The following MAST3 variants were observed in gnomAD, a reference collection of about 807,000 sequenced individuals.
MAST3 encodes microtubule-associated serine/threonine-protein kinase 3.
In MAST3, 43 loss-of-function variants were observed where a neutral mutation model predicts 127.0. The ratio of observed to expected loss-of-function variants is 0.34; its 90% confidence interval spans 0.27 to 0.44. MAST3 has a LOEUF of 0.44. MAST3 is among the 20% of genes least tolerant of loss of function. MAST3 has a pLI of 1.00. For missense variants in MAST3, 1,390 were observed against 1,919.1 expected, an observed-to-expected ratio of 0.72 and a Z score of 5.15; for synonymous variants, 785 against 809.2, an observed-to-expected ratio of 0.97 and a Z score of 0.51.
chr19:18,122,614 GT>G lies in MAST3; in HGVS notation c.321-58del, dbSNP rs2040132104. On this transcript the variant is annotated intron_variant, in intron 5 of 27. Transcript: ENST00000687212. ...ATGCTGGCCACAGTGTCTGTTCTTA[GT>G]CCCCACAAACCACAGGGGCCAGGCC... 2.1e-6 allele frequency: 3 copies of G among 1,435,722 alleles called. No individual in the cohort carries two copies. The African/African-American group carries it at 4.2e-5, about 20-fold the overall frequency. 88.9% of individuals were successfully genotyped at this position (1,435,722 alleles called of 1,614,324 possible).
chr19:18,116,186 C>A (rs1001592203), intron 3 of MAST3, among the ~76,000 whole-genome samples: 1 of 150,096 alleles, frequency 6.7e-6, no homozygotes, highest in Admixed American at 6.6e-5. Context: ...CTCCACCTCC[C>A]GGGTACAAGT....
At chr19:18,099,825 C>T (rs570833541) in intron 1 of MAST3, among the ~76,000 whole-genome samples, 4 of 152,330 alleles carry the variant, frequency 2.6e-5, no homozygotes, top group African/African-American at 9.6e-5. Flanking sequence ...TTTCTTAGCA[C>T]TAGAGGCTGA....
Position 18,144,503 on chromosome 19 carries a change from C to T in MAST3, c.2622C>T (p.Ser874=). The T allele has an allele frequency of 6.2e-7, 1 of 1,603,714 alleles. No homozygotes were observed. Among genetic ancestry groups the T allele is most frequent in the Non-Finnish European group, 8.5e-7 (1 of 1,176,740 alleles). ...CTCTCAGCCACGCCCGCCTACGGAG[C>T]AATAGCATCGGCGCCCGACACTCCA... ...TAALSHARLR[S]NSIGARHSTP... is the part of the protein sequence containing the mutation. Residue 874 remains serine, a synonymous_variant, in exon 23 of 28, where the codon AGC becomes AGT. Transcript: ENST00000687212. The surrounding 1 kb of genome is among the most constrained non-coding windows in gnomAD (Gnocchi z 4.0).
chr19:18,108,175 C>T (rs1243167041), intron 2 of MAST3, among the ~76,000 whole-genome samples: 1 of 151,980 alleles, frequency 6.6e-6, no homozygotes, highest in Non-Finnish European at 1.5e-5. Context: ...CGCTTGTAAT[C>T]CCAGGTACTC....
intron 27 of MAST3, among the ~76,000 whole-genome samples, chr19:18,147,884 G>A (rs192166954): frequency 1.7e-3 from 253 of 152,290 alleles, no homozygotes; most frequent in African/African-American, 3.6e-3. Flanking sequence ...GGCCAGGCAC[G>A]GAGGCTCACG....
At chr19:18,139,210 T>G (rs2042190400) in intron 20 of MAST3, 86 bp downstream of exon 20, 2 of 1,108,898 alleles carry the variant, frequency 1.8e-6, no homozygotes, top group Admixed American at 4.0e-5. Flanking sequence ...TGATTTTGCT[T>G]TGTTTTGTTC....
Position 18,100,113 on chromosome 19 carries a change from TC to T in MAST3, c.39+2283del, listed in dbSNP as rs1487939377. ...ACTCAAGGAGGCTGAGGCAGAAGGA[TC>T]TCTCTCTCTCTCTCTTTTTTTTTTT... On this transcript the variant is annotated intron_variant, in intron 1 of 27. Coordinates refer to ENST00000687212, the MANE Select transcript of MAST3 (RefSeq NM_001393504.1). Among the ~76,000 whole-genome samples, 560 of 137,740 alleles carry T rather than the reference TC, an allele frequency of 4.1e-3. 34 individuals carry two copies. Among genetic ancestry groups the T allele is most frequent in the Middle Eastern group, 0.012 (3 of 256 alleles). 90.4% of individuals were successfully genotyped at this position (137,740 alleles called of 152,430 possible).
chr19:18,123,839 C>G lies in MAST3; in HGVS notation c.634-100C>G, dbSNP rs986577160. Reference sequence around the variant, plus strand: ...CCCTCCCACCCGATCGCCCCATTGCCCCATCTCCTCTCTCCCCAACCATGC... The same window carrying G: ...CCCTCCCACCCGATCGCCCCATTGCGCCATCTCCTCTCTCCCCAACCATGC... On this transcript the variant is annotated intron_variant, in intron 8 of 27. Transcript: ENST00000687212. 21 of 1,198,552 alleles carry G rather than the reference C, an allele frequency of 1.8e-5. No individual in the cohort carries two copies. The African/African-American group carries it at 2.9e-4, about 16-fold the overall frequency. 74.2% of individuals were successfully genotyped at this position (1,198,552 alleles called of 1,614,324 possible).
chr19:18,126,817 C>G (rs941686855), intron 11 of MAST3, among the ~76,000 whole-genome samples: 6 of 151,712 alleles, frequency 4.0e-5, no homozygotes, highest in Non-Finnish European at 7.4e-5. Context: ...GTCTCGCTCT[C>G]TCGCCCAGGC....
In MAST3 at chr19:18,131,440, C is replaced by T. The variant is rs569672170; in HGVS notation, c.1433-469C>T. The stretch of plus-strand genomic sequence containing the variant: ...AATAGGCCAGGCGCGGTGGCCAACG[C>T]CTGTAATCTCAGCACTTTGGGAGGC... On this transcript the variant is annotated intron_variant, in intron 14 of 27. Transcript: ENST00000687212. 4.3e-5 allele frequency among the ~76,000 whole-genome samples: 6 copies of T among 139,858 alleles called. No individual in the cohort carries two copies. In the South Asian group the frequency reaches 1.3e-3, roughly 31 times the overall value. 91.8% of individuals were successfully genotyped at this position (139,858 alleles called of 152,430 possible). A position where few individuals can be genotyped will look rare whatever the true frequency, so the allele number is the denominator to read the frequency against.
At chr19:18,147,353 T>C in intron 26 of MAST3, 90 bp from the exon 27 acceptor site, 1 of 1,191,208 alleles carries the variant, frequency 8.4e-7, no homozygotes, top group Non-Finnish European at 1.2e-6. Flanking sequence ...TCCATCTGCC[T>C]CGGCCTCTGA....
At chr19:18,102,835 A>G (rs1002051254) in intron 1 of MAST3, among the ~76,000 whole-genome samples, 1 of 152,132 alleles carries the variant, frequency 6.6e-6, no homozygotes, top group African/African-American at 2.4e-5. Flanking sequence ...TGCTGGGATT[A>G]CAGGCATGAG....
intron 21 of MAST3, 145 bp from the exon 22 acceptor site, chr19:18,143,618 G>A (rs1046672808): frequency 1.0e-6 from 1 of 965,648 alleles, no homozygotes; most frequent in Non-Finnish European, 1.5e-6. Flanking sequence ...GGACAGAGAG[G>A]ACAGTGCAGA....
rs529329944 is a variant in MAST3, at chr19:18,145,844, C to T, written c.3141C>T (p.Asp1047=). The T allele has an allele frequency of 2.7e-5, 43 of 1,598,102 alleles. No individual in the cohort carries two copies. Among genetic ancestry groups the T allele is most frequent in the East Asian group, 2.1e-4 (9 of 43,302 alleles). The change falls in exon 25 of 28, where the codon GAC becomes GAT. Residue 1047 remains aspartate (D), a synonymous_variant. Transcript: ENST00000687212. This position sits in a 1 kb window ranked among gnomAD's most constrained non-coding sequence, Gnocchi z 5.9. ...GESVLGLVHM[D]VVELLLKSGN... ...CAGTGCTGGGGCTGGTGCACATGGACGTCGTGGAGCTGCTGCTGAAGGTGC... is the reference window on the plus strand; with the variant it reads ...CAGTGCTGGGGCTGGTGCACATGGATGTCGTGGAGCTGCTGCTGAAGGTGC...
chr19:18,140,111 G>C (rs1599863231), intron 20 of MAST3, among the ~76,000 whole-genome samples: 1 of 151,994 alleles, frequency 6.6e-6, no homozygotes, highest in Non-Finnish European at 1.5e-5. Flanking sequence ...GAGCCACCGT[G>C]CCCGGCCTGT....
In MAST3 at chr19:18,124,248, C is replaced by T. The variant is rs756285329; in HGVS notation, c.844-17C>T. 5.9e-5 allele frequency: 94 copies of T among 1,596,622 alleles called. No homozygotes were observed. In the South Asian group the frequency reaches 9.7e-4, roughly 17 times the overall value. On this transcript the variant is annotated splice_polypyrimidine_tract_variant and intron_variant, in intron 9 of 27. Transcript: ENST00000687212. ...TGCTGAGGACCTGTGGGTGATGCCA[C>T]GACCCACCTCCCCCAGGCCCATGAG...
intron 14 of MAST3, 98 bp from the exon 15 acceptor site, chr19:18,131,811 T>G: frequency 7.3e-7 from 1 of 1,379,074 alleles, no homozygotes; most frequent in Non-Finnish European, 9.9e-7. Context: ...TTGCAGGAGG[T>G]AAAGCGAGGA....
In MAST3 at chr19:18,115,447, G is replaced by A. The variant is rs1469725406; in HGVS notation, c.161+4706G>A. Among the ~76,000 whole-genome samples the A allele has an allele frequency of 2.6e-5, 4 of 151,966 alleles. No individual in the cohort carries two copies. In the East Asian group the frequency reaches 7.7e-4, roughly 29 times the overall value. On this transcript the variant is annotated intron_variant, in intron 3 of 27. Transcript: ENST00000687212. ...TGCAAAGGTGTGTCCCCGTGCATAT[G>A]GGGTGGCTCAGCACGTAGTGACAGC...
intron 15 of MAST3, among the ~76,000 whole-genome samples, chr19:18,133,349 TGTG>T (rs2041531223): frequency 6.6e-6 from 1 of 152,124 alleles, no homozygotes; most frequent in Non-Finnish European, 1.5e-5. Context: ...AGGCAATGAC[TGTG>T]TACCTGGCCC....
Sources: gnomAD v4.1 joint callset for allele counts (sites outside exome capture counted in the v4.1 genomes callset) on GRCh38, gnomAD v4.1.1 for gene constraint, Gnocchi (gnomAD v3.1) non-coding constraint, MANE v1.5 for transcripts, NCBI Gene and HGNC (gene_info 2026-07-23, HGNC 2026-07-21) for gene names.